The following SORD variants were observed in gnomAD, a reference collection of about 807,000 sequenced individuals.
The protein encoded by SORD is (R,R)-butanediol dehydrogenase.
Under a neutral mutation model 35.6 loss-of-function variants are expected in SORD, and 18 were observed. That is an observed-to-expected ratio of 0.51 (90% CI 0.35 to 0.75). The LOEUF is 0.75. Ranked by LOEUF, SORD falls within the 30% of genes least tolerant of loss-of-function variation. The pLI is 0.01. For synonymous variants in SORD, 106 were observed against 152.9 expected, an observed-to-expected ratio of 0.69 and a Z score of 2.26; for missense variants, 250 against 390.2, an observed-to-expected ratio of 0.64 and a Z score of 3.03.
At chr15:45,067,426 C>T (rs1305316058) in intron 5 of SORD, among the ~76,000 whole-genome samples, 2 of 151,976 alleles carry the variant, frequency 1.3e-5, no homozygotes, top group East Asian at 3.9e-4. Flanking sequence ...TTTTAGTAGC[C>T]ATGTAGTTTT....
At chr15:45,063,072 T>C (rs868162512) in intron 4 of SORD, among the ~76,000 whole-genome samples, 3,842 of 142,110 alleles carry the variant, frequency 0.027, 114 homozygotes, top group African/African-American at 0.1. Context: ...GATGGGGCTC[T>C]GGCTGGCAGT....
At chr15:45,024,169 G>A (rs1228821078) in intron 1 of SORD, among the ~76,000 whole-genome samples, 1 of 152,180 alleles carries the variant, frequency 6.6e-6, no homozygotes, top group Non-Finnish European at 1.5e-5. Flanking sequence ...AGCCTCCCTT[G>A]ACAAAGTCCC....
intron 1 of SORD, among the ~76,000 whole-genome samples, chr15:45,026,307 C>G (rs1388512409): frequency 6.6e-6 from 1 of 152,204 alleles, no homozygotes; most frequent in African/African-American, 2.4e-5. Flanking sequence ...GGGAACCACC[C>G]ATTTTCCTCT....
chr15:45,050,233 C>G (rs992749690), intron 3 of SORD, among the ~76,000 whole-genome samples: 3 of 152,172 alleles, frequency 2.0e-5, no homozygotes, highest in Non-Finnish European at 2.9e-5. Context: ...AGGCACCCAC[C>G]ACCAGCCCTG....
rs554373258 is a variant in SORD at position 45,063,302 on chromosome 15, T to C, written c.426-1969T>C. ...GCTTCTCCTTGGCTTCTTGATCATC[T>C]GTTACCCAATTTGGACTGTTCCCTG... On this transcript the variant is annotated intron_variant, in intron 4 of 8. Transcript: ENST00000267814. Among the ~76,000 whole-genome samples, 992 of 151,476 alleles carry C rather than the reference T, an allele frequency of 6.5e-3. 4 individuals are homozygous for C. Among genetic ancestry groups the C allele is most frequent in the Non-Finnish European group, 7.8e-3 (530 of 67,958 alleles).
intron 2 of SORD, chr15:45,042,526 A>G (rs1892984530): frequency 6.9e-6 from 1 of 145,946 alleles, no homozygotes; most frequent in South Asian, 2.6e-4. Flanking sequence ...AAATAAATAA[A>G]TAAAGGAAAG....
chr15:45,063,928 G>A (rs1365694496), intron 4 of SORD, among the ~76,000 whole-genome samples: 1 of 149,062 alleles, frequency 6.7e-6, no homozygotes, highest in Admixed American at 6.8e-5. Context: ...CCGAGGGGAA[G>A]GGATAAGGGG....
intron 5 of SORD, among the ~76,000 whole-genome samples, chr15:45,066,510 C>T (rs558095034): frequency 9.2e-5 from 14 of 152,122 alleles, no homozygotes; most frequent in Non-Finnish European, 2.1e-4. Context: ...ACCCTGCTCC[C>T]GGCCAGTGGG....
chr15:45,061,414 A>T (rs1302133136), intron 4 of SORD, among the ~76,000 whole-genome samples, 188 bp downstream of exon 4: 1 of 152,186 alleles, frequency 6.6e-6, no homozygotes, highest in African/African-American at 2.4e-5. Context: ...ACTGACTCAC[A>T]GTGGTTGGTT....
chr15:45,061,254 C>T (rs534059820), intron 4 of SORD, 28 bp downstream of exon 4: 3 of 1,610,106 alleles, frequency 1.9e-6, no homozygotes, highest in Non-Finnish European at 2.5e-6. Flanking sequence ...CACTGGGTCA[C>T]CTGGGACCTC....
intron 5 of SORD, among the ~76,000 whole-genome samples, chr15:45,067,334 T>C (rs951537385): frequency 6.6e-6 from 1 of 152,212 alleles, no homozygotes; most frequent in African/African-American, 2.4e-5. Flanking sequence ...CACTCCAGCC[T>C]GGGTGACAGA....
rs201705972 is a variant in SORD at position 45,040,393 on chromosome 15, T to C, written c.67-15T>C. On this transcript the variant is annotated splice_polypyrimidine_tract_variant and intron_variant, in intron 1 of 8. Transcript: ENST00000267814. Reference sequence around the variant, plus strand: ...TATGCATGCTAAATGATTTTTTCAATTTTGTTTCTTTTAGGAGAACTATCC... The same window carrying C: ...TATGCATGCTAAATGATTTTTTCAACTTTGTTTCTTTTAGGAGAACTATCC... 46 of 1,464,592 alleles carry C rather than the reference T, an allele frequency of 3.1e-5. No individual in the cohort carries two copies. The highest frequency in any genetic ancestry group is 7.6e-6 in the Non-Finnish European group (8 of 1,048,586). The allele number at this position is 1,464,592 out of a possible 1,614,324, so 90.7% of individuals were successfully genotyped here.
chr15:45,063,812 C>A (rs1893361878), intron 4 of SORD, among the ~76,000 whole-genome samples: 2 of 151,984 alleles, frequency 1.3e-5, no homozygotes, highest in South Asian at 4.1e-4. Flanking sequence ...TCATTTTCAC[C>A]TTTTTCCTAT....
At chr15:45,036,202 A>G (rs1892862981) in intron 1 of SORD, 1 of 392,546 alleles carries the variant, frequency 2.5e-6, no homozygotes, top group Non-Finnish European at 5.0e-6. Flanking sequence ...GTAACACTCA[A>G]TGCGAGGGTC....
intron 1 of SORD, among the ~76,000 whole-genome samples, chr15:45,024,930 T>C (rs1303186630): frequency 6.6e-6 from 1 of 152,270 alleles, no homozygotes; most frequent in African/African-American, 2.4e-5. Context: ...CAGAGCCTGC[T>C]TAAAAGTCAT....
rs535835508 is a variant in SORD, at chr15:45,062,310, A to G, written c.425+1084A>G. Among the ~76,000 whole-genome samples, 310 of 151,714 alleles carry G rather than the reference A, an allele frequency of 2.0e-3. 1 individual carries two copies. The highest frequency in any genetic ancestry group is 7.2e-3 in the African/African-American group (294 of 41,006). On this transcript the variant is annotated intron_variant, in intron 4 of 8. Transcript: ENST00000267814. Reference sequence around the variant, plus strand: ...GTGCCCACTCCCCTACCCTACTCCGATTCTCACCCCTGAAATTGTGAAGTT... The same window carrying G: ...GTGCCCACTCCCCTACCCTACTCCGGTTCTCACCCCTGAAATTGTGAAGTT...
intron 5 of SORD, among the ~76,000 whole-genome samples, chr15:45,066,244 CAAAA>C (rs36027648): frequency 1.3e-4 from 9 of 68,976 alleles, no homozygotes; most frequent in Admixed American, 8.7e-4. Flanking sequence ...GATTCTGTCT[CAAAA>C]AAAAAAAAAA....
intron 4 of SORD, among the ~76,000 whole-genome samples, chr15:45,061,727 G>A (rs1893312723): frequency 6.6e-6 from 1 of 151,976 alleles, no homozygotes; most frequent in Non-Finnish European, 1.5e-5. Flanking sequence ...AAATTAGCCA[G>A]GCCTGGTGGC....
intron 3 of SORD, among the ~76,000 whole-genome samples, chr15:45,049,340 G>T (rs570274249): frequency 2.0e-5 from 3 of 152,134 alleles, no homozygotes; most frequent in Admixed American, 2.0e-4. Context: ...GTTGTGTGGG[G>T]GACAGCAGCC....
Sources: allele counts gnomAD v4.1 joint callset (sites outside exome capture counted in the v4.1 genomes callset), GRCh38; gene constraint gnomAD v4.1.1; transcripts MANE v1.5; gene names NCBI Gene and HGNC (gene_info 2026-07-23, HGNC 2026-07-21).